The following GFOD2 variants were observed in gnomAD, a reference collection of about 807,000 sequenced individuals.
The protein encoded by GFOD2 is glucose-fructose oxidoreductase domain-containing protein 2.
Under a neutral mutation model 24.6 loss-of-function variants are expected in GFOD2, and 9 were observed. The ratio of observed to expected loss-of-function variants is 0.37; its 90% CI spans 0.22 to 0.64. GFOD2 has a LOEUF of 0.64. Ranked by LOEUF, GFOD2 falls within the 30% of genes least tolerant of loss-of-function variation. GFOD2 has a pLI of 0.65. For synonymous variants in GFOD2, 211 were observed against 224.8 expected (o/e 0.94, Z 0.55); for missense variants, 476 against 532.5 (o/e 0.89, Z 1.04).
Position 67,675,632 on chromosome 16 carries a change from C to T in GFOD2, c.681G>A (p.Met227Ile), listed in dbSNP as rs775672396. The change falls in exon 3 of 3, where the codon ATG (methionine) becomes ATA (isoleucine). Residue 227 changes from methionine to isoleucine, a missense_variant. Met to Ile is a conservative substitution (Grantham distance 10). Transcript: ENST00000268797. ...TGCTACACACACCCCCACCCATGAGCATCTGGAAGAAACAGAAGTCATCGC... is the reference window on the plus strand; with the variant it reads ...TGCTACACACACCCCCACCCATGAGTATCTGGAAGAAACAGAAGTCATCGC... ...VTSDDFCFFQ[M>I]LMGGGVCSTV... 1 of 1,613,224 alleles carries T rather than the reference C, an allele frequency of 6.2e-7. No homozygotes were observed. The highest frequency in any genetic ancestry group is 1.1e-5 in the South Asian group (1 of 91,092).
intron 1 of GFOD2, among the ~76,000 whole-genome samples, chr16:67,698,433 T>C (rs2053374189): frequency 6.6e-6 from 1 of 152,248 alleles, no homozygotes; most frequent in Admixed American, 6.5e-5. Flanking sequence ...GTTTCCTGTC[T>C]AGACCTTGAC....
intron 1 of GFOD2, among the ~76,000 whole-genome samples, chr16:67,699,544 C>T (rs527810019): frequency 1.6e-4 from 24 of 152,082 alleles, no homozygotes; most frequent in Non-Finnish European, 2.6e-4. Context: ...AATGCAGTGG[C>T]GCAATCTCGG....
chr16:67,707,586 G>C (rs937485637), intron 1 of GFOD2, among the ~76,000 whole-genome samples: 4 of 152,014 alleles, frequency 2.6e-5, no homozygotes, highest in African/African-American at 9.7e-5. Context: ...AATGTTCACA[G>C]CAGCCTTATT....
chr16:67,705,545 G>A (rs1178165599), intron 1 of GFOD2, among the ~76,000 whole-genome samples: 1 of 152,086 alleles, frequency 6.6e-6, no homozygotes, highest in African/African-American at 2.4e-5. Flanking sequence ...ACTTGTTCTG[G>A]GATTGTGTCT....
intron 1 of GFOD2, among the ~76,000 whole-genome samples, chr16:67,688,656 C>T (rs987585071): frequency 6.6e-6 from 1 of 151,984 alleles, no homozygotes; most frequent in Admixed American, 6.6e-5. Flanking sequence ...ATGTGGGCCA[C>T]ATCACCGTCA....
intron 1 of GFOD2, among the ~76,000 whole-genome samples, chr16:67,688,602 T>G (rs2053285539): frequency 6.6e-6 from 1 of 152,078 alleles, no homozygotes; most frequent in Non-Finnish European, 1.5e-5. Context: ...CACTCCATAT[T>G]AGCATCACTG....
At chr16:67,692,094 C>A (rs1201039719) in intron 1 of GFOD2, among the ~76,000 whole-genome samples, 1 of 151,940 alleles carries the variant, frequency 6.6e-6, no homozygotes, top group Non-Finnish European at 1.5e-5. Context: ...TTTACCACAT[C>A]ATGTCTGAGG....
At chr16:67,678,400 C>T (rs1011320140) in intron 2 of GFOD2, among the ~76,000 whole-genome samples, 8 of 148,966 alleles carry the variant, frequency 5.4e-5, no homozygotes, top group Admixed American at 2.0e-4. Flanking sequence ...CACTTGAACC[C>T]GGGAGGTGGA....
At chr16:67,710,405 G>A (rs1447938861) in intron 1 of GFOD2, among the ~76,000 whole-genome samples, 3 of 151,440 alleles carry the variant, frequency 2.0e-5, no homozygotes, top group Non-Finnish European at 4.4e-5. Context: ...TTTTTGAGAC[G>A]AAGTGGAGAA....
At chr16:67,677,169 C>T (rs1199255690) in intron 2 of GFOD2, 1 of 152,118 alleles carries the variant, frequency 6.6e-6, no homozygotes, top group East Asian at 1.9e-4. Context: ...AAAGGCCCCA[C>T]CCATAAGGTC....
chr16:67,698,314 C>T (rs1396258519), intron 1 of GFOD2, among the ~76,000 whole-genome samples: 2 of 152,152 alleles, frequency 1.3e-5, no homozygotes, highest in African/African-American at 2.4e-5. Context: ...ACTACCTTGC[C>T]AGTCCCTGGG....
At chr16:67,692,778 G>A (rs1287710464) in intron 1 of GFOD2, among the ~76,000 whole-genome samples, 1 of 150,530 alleles carries the variant, frequency 6.6e-6, no homozygotes, top group East Asian at 1.9e-4. Context: ...TGTAATCTCA[G>A]CTCTTTGGGA....
intron 2 of GFOD2, chr16:67,680,878 CA>C: frequency 8.1e-6 from 8 of 985,422 alleles, no homozygotes; most frequent in Non-Finnish European, 9.6e-6. Context: ...TATGACACTT[CA>C]ATCTCCTGCT....
intron 1 of GFOD2, among the ~76,000 whole-genome samples, chr16:67,688,881 C>A (rs1241921470): frequency 2.7e-5 from 4 of 150,864 alleles, no homozygotes; most frequent in African/African-American, 9.7e-5. Context: ...ACTACAGACG[C>A]CCCCCCACCA....
chr16:67,712,219 C>T (rs1039148201), intron 1 of GFOD2, among the ~76,000 whole-genome samples: 2 of 151,424 alleles, frequency 1.3e-5, no homozygotes, highest in Non-Finnish European at 2.9e-5. Flanking sequence ...CCAAAACCAT[C>T]AGTAGGCTCT....
intron 1 of GFOD2, among the ~76,000 whole-genome samples, chr16:67,718,329 T>C: frequency 6.6e-6 from 1 of 152,204 alleles, no homozygotes; most frequent in East Asian, 1.9e-4. Context: ...GATAACATTA[T>C]GGGAACAATG....
At chr16:67,690,774 C>T (rs1025890166) in intron 1 of GFOD2, among the ~76,000 whole-genome samples, 2 of 152,178 alleles carry the variant, frequency 1.3e-5, no homozygotes, top group African/African-American at 2.4e-5. Context: ...ATCTCTAACA[C>T]AACTATTTTA....
At chr16:67,698,379 C>T (rs780632711) in intron 1 of GFOD2, among the ~76,000 whole-genome samples, 3 of 152,190 alleles carry the variant, frequency 2.0e-5, no homozygotes, top group Admixed American at 6.5e-5. Context: ...GTGAATAATC[C>T]CTTCATTAAA....
intron 2 of GFOD2, chr16:67,681,693 G>C: frequency 1.0e-6 from 1 of 983,486 alleles, no homozygotes; most frequent in Non-Finnish European, 1.2e-6. Flanking sequence ...AGAGGTGTGA[G>C]GCACTGAGCC....
Sources: allele counts gnomAD v4.1 joint callset (sites outside exome capture counted in the v4.1 genomes callset), GRCh38; gene constraint gnomAD v4.1.1; transcripts MANE v1.5; gene names NCBI Gene and HGNC (gene_info 2026-07-23, HGNC 2026-07-21).